Variants in GRID1 observed in about 807,000 individuals in gnomAD.
GRID1 encodes the protein glutamate ionotropic receptor delta type subunit 1.
Under a neutral mutation model 98.0 loss-of-function variants are expected in GRID1, and 28 were observed. The observed-to-expected ratio is 0.29, with a 90% confidence interval of 0.21 to 0.39. GRID1 has a LOEUF of 0.39. Ranked by LOEUF, GRID1 falls within the 10% of genes least tolerant of loss-of-function variation. The pLI is 1.00. For missense variants in GRID1, 1,111 were observed against 1,340.5 expected (o/e 0.83, Z 2.67); for synonymous variants, 553 against 538.5 (o/e 1.03, Z -0.37).
chr10:86,047,864 G>A (rs1221551246), intron 4 of GRID1, among the ~76,000 whole-genome samples: 1 of 152,170 alleles, frequency 6.6e-6, no homozygotes, highest in Non-Finnish European at 1.5e-5. Flanking sequence ...TGTTCTCAGA[G>A]GTTAGCAAGA....
At chr10:85,962,083 T>C (rs1234936838) in intron 4 of GRID1, among the ~76,000 whole-genome samples, 1 of 152,146 alleles carries the variant, frequency 6.6e-6, no homozygotes, top group African/African-American at 2.4e-5. Flanking sequence ...GGGTGGTCTG[T>C]GGATCCTGAG....
At chr10:85,646,772 C>T (rs188861691) in intron 13 of GRID1, 116 of 216,174 alleles carry the variant, frequency 5.4e-4, no homozygotes, top group African/African-American at 2.4e-3. Flanking sequence ...CCCCTTTCCC[C>T]GTATGCAGAC....
rs564005802 is a variant in GRID1 at position 85,702,462 on chromosome 10, A to G, written c.1997+20541T>C. On this transcript the variant is annotated intron_variant, in intron 12 of 15. Coordinates refer to ENST00000327946, the MANE Select transcript of GRID1 (RefSeq NM_017551.3). ...CATAATACCAACATATGAAAAATCAATGTTCCTGTAAACAACATGCAAATA... is the reference window on the plus strand; with the variant it reads ...CATAATACCAACATATGAAAAATCAGTGTTCCTGTAAACAACATGCAAATA... Among the ~76,000 whole-genome samples, 27 of 152,258 alleles carry G rather than the reference A, an allele frequency of 1.8e-4. 1 individual carries two copies. The Middle Eastern group carries it at 0.014, about 77-fold the overall frequency.
chr10:86,162,905 A>C (rs1174265041), intron 3 of GRID1, among the ~76,000 whole-genome samples: 1 of 152,176 alleles, frequency 6.6e-6, no homozygotes, highest in East Asian at 1.9e-4. Flanking sequence ...GCAGCCTGGC[A>C]GGGGGCATAT....
At chr10:85,694,307 T>A (rs369914052) in intron 12 of GRID1, among the ~76,000 whole-genome samples, 21 of 151,942 alleles carry the variant, frequency 1.4e-4, no homozygotes, top group African/African-American at 4.8e-4. Flanking sequence ...AAGGGAACAC[T>A]TATACACTGT....
intron 6 of GRID1, among the ~76,000 whole-genome samples, 181 bp from the exon 7 acceptor site, chr10:85,856,371 G>A (rs867661137): frequency 4.6e-5 from 7 of 152,160 alleles, no homozygotes; most frequent in African/African-American, 7.2e-5. Flanking sequence ...CTAGAGTCCT[G>A]AATGGAATAA....
At chr10:85,847,254 C>G (rs1843015128) in intron 8 of GRID1, among the ~76,000 whole-genome samples, 1 of 152,156 alleles carries the variant, frequency 6.6e-6, no homozygotes, top group African/African-American at 2.4e-5. Context: ...CATAGTCATT[C>G]TGAAATTATG....
intron 3 of GRID1, among the ~76,000 whole-genome samples, chr10:86,150,879 G>A (rs953886519): frequency 2.0e-5 from 3 of 152,186 alleles, no homozygotes; most frequent in African/African-American, 7.2e-5. Context: ...CAAGACGTCA[G>A]ATCCAGCACC....
chr10:86,063,293 A>T (rs932329589), intron 4 of GRID1, among the ~76,000 whole-genome samples: 3 of 152,228 alleles, frequency 2.0e-5, no homozygotes, highest in Admixed American at 2.0e-4. Flanking sequence ...TGGAAAACCC[A>T]CAGGTGCTAG....
At chr10:86,303,809 G>A (rs1017870244) in intron 2 of GRID1, among the ~76,000 whole-genome samples, 3 of 152,214 alleles carry the variant, frequency 2.0e-5, no homozygotes, top group Non-Finnish European at 2.9e-5. Context: ...AGCAGGAGAC[G>A]CCAGCAGGGC....
rs538715948 is a variant in GRID1, at chr10:85,998,966, G to A, written c.727-82727C>T. Among the ~76,000 whole-genome samples the A allele has an allele frequency of 1.5e-3, 222 of 152,184 alleles. 1 individual carries two copies. Among genetic ancestry groups the A allele is most frequent in the Non-Finnish European group, 2.0e-3 (139 of 67,978 alleles). On this transcript the variant is annotated intron_variant, in intron 4 of 15. Transcript: ENST00000327946. ...AGTGGCTCACGCCTGTAATCCCAGC[G>A]CTTTGGGAGGCCAAGGCGGGTGGAT...
At chr10:86,233,096 T>C (rs1327689825) in intron 2 of GRID1, among the ~76,000 whole-genome samples, 3 of 152,032 alleles carry the variant, frequency 2.0e-5, no homozygotes, top group Non-Finnish European at 4.4e-5. Flanking sequence ...GGGATGTCTA[T>C]GGCAGAGGCT....
chr10:85,684,478 G>T (rs1206021723), intron 12 of GRID1, among the ~76,000 whole-genome samples: 1 of 151,940 alleles, frequency 6.6e-6, no homozygotes, highest in Non-Finnish European at 1.5e-5. Context: ...TATTAAAGTA[G>T]AAAAAACTAT....
chr10:85,973,950 T>C (rs1219165177), intron 4 of GRID1, among the ~76,000 whole-genome samples: 1 of 152,208 alleles, frequency 6.6e-6, no homozygotes, highest in Non-Finnish European at 1.5e-5. Context: ...AATCTCATTA[T>C]CACCCAATAT....
At chr10:86,260,548 G>C (rs1847000638) in intron 2 of GRID1, among the ~76,000 whole-genome samples, 1 of 152,182 alleles carries the variant, frequency 6.6e-6, no homozygotes, top group African/African-American at 2.4e-5. Context: ...GATGCAGACA[G>C]ACACAACTGG....
At chr10:86,109,447 T>C (rs1447839954) in intron 4 of GRID1, among the ~76,000 whole-genome samples, 4 of 152,208 alleles carry the variant, frequency 2.6e-5, no homozygotes, top group African/African-American at 4.8e-5. Flanking sequence ...TGAGGAACAA[T>C]GGCCTGCCTC....
chr10:85,907,676 G>T (rs966728509), intron 5 of GRID1, among the ~76,000 whole-genome samples: 1 of 151,816 alleles, frequency 6.6e-6, no homozygotes, highest in East Asian at 1.9e-4. Context: ...TACTTTTGAG[G>T]CCAGCATTAT....
chr10:86,124,472 T>A (rs760309404), intron 4 of GRID1, among the ~76,000 whole-genome samples: 6 of 152,180 alleles, frequency 3.9e-5, no homozygotes, highest in African/African-American at 7.2e-5. Context: ...CTCCATCACA[T>A]CCTTCCAGTC....
At chr10:86,331,944 A>C (rs1848148562) in intron 2 of GRID1, among the ~76,000 whole-genome samples, 1 of 152,078 alleles carries the variant, frequency 6.6e-6, no homozygotes, top group Non-Finnish European at 1.5e-5. Context: ...ACTGCCTGAG[A>C]CACTGGCCAT....
Sources: gnomAD v4.1 joint callset for allele counts (sites outside exome capture counted in the v4.1 genomes callset) on GRCh38, gnomAD v4.1.1 for gene constraint, MANE v1.5 for transcripts, NCBI Gene and HGNC (gene_info 2026-07-23, HGNC 2026-07-21) for gene names.